The following ARB2A variants were observed in gnomAD, a reference collection of about 807,000 sequenced individuals.
ARB2A encodes ARB2 cotranscriptional regulator A, also known as cotranscriptional regulator ARB2A.
the ARB2A span, among the ~76,000 whole-genome samples, chr5:93,650,203 C>G: frequency 6.6e-6 from 1 of 150,510 alleles, no homozygotes; most frequent in African/African-American, 2.4e-5. Context: ...GAAGATGACC[C>G]AAATGTTGGA....
chr5:93,937,882 G>C, the ARB2A span, among the ~76,000 whole-genome samples: 1 of 152,078 alleles, frequency 6.6e-6, no homozygotes, highest in Non-Finnish European at 1.5e-5. Flanking sequence ...ATACTATATT[G>C]TTTAGGGAAT....
the ARB2A span, among the ~76,000 whole-genome samples, chr5:94,019,637 C>T: frequency 6.6e-6 from 1 of 152,076 alleles, no homozygotes; most frequent in South Asian, 2.1e-4. Flanking sequence ...AACAACAGAT[C>T]CTGGAGAGGA....
the ARB2A span, among the ~76,000 whole-genome samples, chr5:93,933,560 C>T: frequency 6.6e-6 from 1 of 152,064 alleles, no homozygotes; most frequent in Non-Finnish European, 1.5e-5. Context: ...GAACAGAAAA[C>T]CAAACACCGC....
the ARB2A span, among the ~76,000 whole-genome samples, chr5:93,744,473 A>G: frequency 1.4e-5 from 2 of 144,930 alleles, no homozygotes; most frequent in South Asian, 2.2e-4. Flanking sequence ...AAGTAAGGCT[A>G]TATATTAACT....
chr5:93,678,477 C>T, the ARB2A span, among the ~76,000 whole-genome samples: 2 of 152,054 alleles, frequency 1.3e-5, no homozygotes, highest in African/African-American at 2.4e-5. Flanking sequence ...TAAATGTGGC[C>T]GAGTGCGGTG....
the ARB2A span, among the ~76,000 whole-genome samples, chr5:93,781,438 G>C: frequency 6.6e-6 from 1 of 152,012 alleles, no homozygotes; most frequent in Non-Finnish European, 1.5e-5. Flanking sequence ...GTCATCCTTT[G>C]ATGGATGCTT....
At chr5:93,716,693 C>CAAAAAAAA in the ARB2A span, among the ~76,000 whole-genome samples, 14 of 36,650 alleles carry the variant, frequency 3.8e-4, no homozygotes, top group Admixed American at 7.7e-4. Context: ...ATAAGCTGTG[C>CAAAAAAAA]AAAAAAAAAA....
chr5:93,669,340 A>G, the ARB2A span, among the ~76,000 whole-genome samples: 1 of 152,196 alleles, frequency 6.6e-6, no homozygotes, highest in South Asian at 2.1e-4. Flanking sequence ...TGGTAAATCT[A>G]CTGTCATGGA....
chr5:93,978,759 A>G, the ARB2A span, among the ~76,000 whole-genome samples: 1 of 152,104 alleles, frequency 6.6e-6, no homozygotes, highest in Non-Finnish European at 1.5e-5. Flanking sequence ...CTGCACATGT[A>G]CCCACTGAAT....
At chr5:93,733,190 T>G in the ARB2A span, 1 of 151,146 alleles carries the variant, frequency 6.6e-6, no homozygotes, top group South Asian at 2.1e-4. Context: ...CACAAACTTA[T>G]TTTCTTTTCT....
the ARB2A span, among the ~76,000 whole-genome samples, chr5:93,757,753 C>G: frequency 3.9e-5 from 6 of 152,222 alleles, no homozygotes; most frequent in South Asian, 2.1e-4. Context: ...CCTGGAAACA[C>G]ATCAAAACAG....
At chr5:93,659,036 T>G in the ARB2A span, among the ~76,000 whole-genome samples, 10 of 152,024 alleles carry the variant, frequency 6.6e-5, no homozygotes, top group Non-Finnish European at 1.0e-4. Flanking sequence ...TTTTGAAGTT[T>G]CATTTGAAAA....
the ARB2A span, among the ~76,000 whole-genome samples, chr5:93,891,668 T>C: frequency 2.0e-5 from 3 of 152,114 alleles, no homozygotes; most frequent in Non-Finnish European, 4.4e-5. Context: ...AAAAGAAACC[T>C]TATTATGAGT....
At chr5:93,996,328 G>C in the ARB2A span, among the ~76,000 whole-genome samples, 2 of 151,980 alleles carry the variant, frequency 1.3e-5, no homozygotes. Flanking sequence ...ATTAGGTTTT[G>C]AAAATCATAT....
chr5:94,077,188 C>G, the ARB2A span, among the ~76,000 whole-genome samples: 1 of 151,850 alleles, frequency 6.6e-6, no homozygotes, highest in Non-Finnish European at 1.5e-5. Flanking sequence ...ACCTGGCTAA[C>G]ATGGTGAAAC....
the ARB2A span, among the ~76,000 whole-genome samples, chr5:93,873,899 C>A: frequency 1.3e-5 from 2 of 152,158 alleles, no homozygotes; most frequent in Non-Finnish European, 2.9e-5. Flanking sequence ...CTCTTCAGGG[C>A]ATCTTCCAAA....
the ARB2A span, among the ~76,000 whole-genome samples, chr5:94,052,135 A>T: frequency 1.5e-4 from 23 of 152,192 alleles, no homozygotes; most frequent in Non-Finnish European, 4.4e-5. Flanking sequence ...TAATTTATTA[A>T]ATGAGTTAAT....
the ARB2A span, among the ~76,000 whole-genome samples, chr5:93,993,008 C>CT: frequency 6.6e-6 from 1 of 151,974 alleles, no homozygotes; most frequent in African/African-American, 2.4e-5. Context: ...TTCCAGGGAT[C>CT]TGCACACGAT....
the ARB2A span, among the ~76,000 whole-genome samples, chr5:93,835,213 C>T: frequency 6.6e-6 from 1 of 152,192 alleles, no homozygotes; most frequent in Non-Finnish European, 1.5e-5. Flanking sequence ...CCAGATTCTA[C>T]TACCTAGGCA....
Sources: gnomAD v4.1 joint callset for allele counts (sites outside exome capture counted in the v4.1 genomes callset) on GRCh38, gnomAD v4.1.1 for gene constraint, MANE v1.5 for transcripts, NCBI Gene and HGNC (gene_info 2026-07-23, HGNC 2026-07-21) for gene names.